Variants in BCL7C observed in about 807,000 individuals in gnomAD.
BCL7C encodes B-cell CLL/lymphoma 7 protein family member C.
Under a neutral mutation model 26.2 loss-of-function variants are expected in BCL7C, and 8 were observed. That is an observed-to-expected ratio of 0.30 (90% CI 0.18 to 0.55). The LOEUF (loss-of-function observed/expected upper bound fraction) is 0.55, where lower values mean the gene tolerates loss of function less well. Among genes scored for constraint, BCL7C ranks in the 20% least tolerant of loss-of-function variants. The pLI is 0.93. For synonymous variants in BCL7C, 90 were observed against 116.5 expected (o/e 0.77, Z 1.47); for missense variants, 262 against 298.5 (o/e 0.88, Z 0.90).
At chr16:30,886,273 G>A (rs565554913), downstream of BCL7C, among the ~76,000 whole-genome samples, 3 of 152,156 alleles carry the variant, frequency 2.0e-5, no homozygotes, top group Admixed American at 6.6e-5. Flanking sequence ...TATATTACTC[G>A]AAGCTTCCCA....
chr16:30,879,992 A>G (rs2055018119), intron 5 of BCL7C, among the ~76,000 whole-genome samples: 2 of 151,064 alleles, frequency 1.3e-5, no homozygotes, highest in African/African-American at 4.9e-5. Flanking sequence ...TCCGTCTCAA[A>G]AAAAAAAAAA....
exon 6 of BCL7C, chr16:30,835,033 A>T (rs772395796): frequency 1.9e-6 from 3 of 1,549,646 alleles, no homozygotes; most frequent in South Asian, 2.4e-5. Context: ...CGGCACCGCC[A>T]TGGAACTGGG....
downstream of BCL7C, among the ~76,000 whole-genome samples, chr16:30,885,161 G>A (rs906143573): frequency 6.6e-6 from 1 of 152,212 alleles, no homozygotes; most frequent in African/African-American, 2.4e-5. Flanking sequence ...TAGGAAGAGT[G>A]TCCTAGATTA....
At chr16:30,856,226 G>A (rs2054720719) in intron 5 of BCL7C, among the ~76,000 whole-genome samples, 1 of 151,702 alleles carries the variant, frequency 6.6e-6, no homozygotes, top group Non-Finnish European at 1.5e-5. Context: ...CGGATCACGA[G>A]GTCAGGAGAT....
At chr16:30,843,761 C>A (rs1394442201) in intron 5 of BCL7C, among the ~76,000 whole-genome samples, 1 of 151,430 alleles carries the variant, frequency 6.6e-6, no homozygotes, top group Non-Finnish European at 1.5e-5. Context: ...CAGCATAGAC[C>A]GGGCACTGTG....
At chr16:30,875,481 A>G (rs1428243464) in intron 5 of BCL7C, 3 of 152,350 alleles carry the variant, frequency 2.0e-5, no homozygotes, top group African/African-American at 7.2e-5. Context: ...GCGGAGCGTC[A>G]CAAAGGTTGG....
chr16:30,887,918 A>G lies in BCL7C; in HGVS notation c.601T>C (p.Ser201Pro). 1 of 1,604,894 alleles carries G rather than the reference A, an allele frequency of 6.2e-7. No homozygotes were observed. Residue 201 changes from serine (S) to proline (P), a missense_variant, in exon 6 of 6, where the codon TCG becomes CCG. Ser to Pro is a moderately conservative substitution (Grantham distance 74, BLOSUM62 -1). Coordinates refer to ENST00000215115, the MANE Select transcript of BCL7C (RefSeq NM_004765.4). Reference sequence around the variant, plus strand: ...CGCTTGAGTGGGGGGGCACCCTCCGAGTCCTCTGTGTCACCCTGGGCTGCC... The same window carrying G: ...CGCTTGAGTGGGGGGGCACCCTCCGGGTCCTCTGTGTCACCCTGGGCTGCC... Reference protein sequence around the residue: ...PEAAQGDTEDSEGAPPLKRIC... With the variant: ...PEAAQGDTEDPEGAPPLKRIC...
intron 5 of BCL7C, among the ~76,000 whole-genome samples, chr16:30,862,136 T>C (rs2054781082): frequency 6.6e-6 from 1 of 152,040 alleles, no homozygotes; most frequent in Admixed American, 6.6e-5. Context: ...GCGCCCGGCC[T>C]GGACAACATT....
At chr16:30,867,708 G>A (rs36188253) in intron 5 of BCL7C, among the ~76,000 whole-genome samples, 9 of 152,112 alleles carry the variant, frequency 5.9e-5, no homozygotes, top group East Asian at 1.9e-4. Flanking sequence ...CAGGAGAATC[G>A]CTTGAACCCG....
chr16:30,857,444 C>A (rs780976730), intron 5 of BCL7C, among the ~76,000 whole-genome samples: 1 of 150,960 alleles, frequency 6.6e-6, no homozygotes, highest in Non-Finnish European at 1.5e-5. Flanking sequence ...AAGGAGTCAG[C>A]GGATAGGTCA....
intron 5 of BCL7C, among the ~76,000 whole-genome samples, chr16:30,866,484 T>G (rs1373478341): frequency 1.3e-5 from 2 of 149,470 alleles, no homozygotes; most frequent in African/African-American, 2.5e-5. Context: ...GGCTGAGGCA[T>G]GACAATCGCC....
intron 5 of BCL7C, chr16:30,835,223 C>T: frequency 7.6e-7 from 1 of 1,316,592 alleles, no homozygotes; most frequent in Non-Finnish European, 1.0e-6. Flanking sequence ...CAACTTGTCC[C>T]ATTTATGACT....
intron 5 of BCL7C, among the ~76,000 whole-genome samples, chr16:30,843,191 CAG>C (rs2054613079): frequency 6.6e-6 from 1 of 152,186 alleles, no homozygotes; most frequent in African/African-American, 2.4e-5. Context: ...GCAGATTTTG[CAG>C]ACTCTTCTGT....
intron 5 of BCL7C, among the ~76,000 whole-genome samples, chr16:30,877,440 AG>A (rs1364589483): frequency 9.3e-6 from 1 of 107,252 alleles, no homozygotes; most frequent in East Asian, 4.2e-4. Context: ...GCCTGAGTCC[AG>A]ATTTTTTTTT....
At position 30,890,386 on chromosome 16, in the gene BCL7C, T is replaced by A. The variant is rs550784958; in HGVS notation, c.443-1441A>T. 5.1e-4 allele frequency among the ~76,000 whole-genome samples: 76 copies of A among 150,054 alleles called. No homozygotes were observed. In the South Asian group the frequency reaches 0.016, roughly 31 times the overall value. On this transcript the variant is annotated intron_variant, in intron 4 of 5. Coordinates refer to ENST00000215115, the MANE Select transcript of BCL7C (RefSeq NM_004765.4). ...TCCAGCCTAGGTGACAGAGTGAGAC[T>A]CCATCTCAAAGGAAAAAAAAAAAGC...
chr16:30,851,053 AGTTT>A (rs2054670910), intron 5 of BCL7C, among the ~76,000 whole-genome samples: 3 of 149,126 alleles, frequency 2.0e-5, no homozygotes. Context: ...ATAAGAAATA[AGTTT>A]GTTTATTCCT....
At chr16:30,856,182 C>T (rs1174780812) in intron 5 of BCL7C, among the ~76,000 whole-genome samples, 6 of 151,636 alleles carry the variant, frequency 4.0e-5, no homozygotes, top group South Asian at 4.2e-4. Flanking sequence ...TGGCTCATGC[C>T]TGTAATCCCA....
At chr16:30,888,074 C>T (rs1306850423) in intron 5 of BCL7C, 84 bp from the exon 6 acceptor site, 2 of 1,405,624 alleles carry the variant, frequency 1.4e-6, no homozygotes, top group Non-Finnish European at 1.9e-6. Flanking sequence ...AAAGCCTCCA[C>T]TCCCCTCCCC....
Position 30,892,575 on chromosome 16 carries a change from C to G in BCL7C, c.442+11G>C. 1.9e-6 allele frequency: 3 copies of G among 1,540,966 alleles called. No homozygotes were observed. Among genetic ancestry groups the G allele is most frequent in the East Asian group, 2.3e-5 (1 of 44,354 alleles). On this transcript the variant is annotated intron_variant, in intron 4 of 5. Coordinates refer to ENST00000215115, the MANE Select transcript of BCL7C (RefSeq NM_004765.4). ...TAGAGGAGAGAGCTCCTGGGAGGTA[C>G]CTGGTCCTACCTCTCTCTTGGCCCA... is the stretch of plus-strand genomic sequence containing the variant.
Sources: gnomAD v4.1 joint callset for allele counts (sites outside exome capture counted in the v4.1 genomes callset) on GRCh38, gnomAD v4.1.1 for gene constraint, MANE v1.5 for transcripts, NCBI Gene and HGNC (gene_info 2026-07-23, HGNC 2026-07-21) for gene names.